TTLL5: variants seen among roughly 807,000 people sequenced by gnomAD.
The protein encoded by TTLL5 is tubulin tyrosine ligase like 5, also known as tubulin polyglutamylase TTLL5.
Under a neutral mutation model 168.4 loss-of-function variants are expected in TTLL5, and 132 were observed. The ratio of observed to expected loss-of-function variants is 0.78; its 90% CI spans 0.68 to 0.91. The LOEUF (loss-of-function observed/expected upper bound fraction) is 0.91. TTLL5 is among the 40% of genes least tolerant of loss of function. The pLI, the probability that TTLL5 is intolerant of heterozygous loss-of-function variation, is 0.00. For synonymous variants in TTLL5, 546 were observed against 558.6 expected (o/e 0.98, Z 0.32); for missense variants, 1,545 against 1,581.5 (o/e 0.98, Z 0.39).
chr14:75,661,254 G>T lies in TTLL5; in HGVS notation c.-229G>T, dbSNP rs374799807. ...GCGCAGTGGCTCCGAGCGGGCGGTTGCTTGTTGGTTGTTGTAGTAACCGGG... is the reference window on the plus strand; with the variant it reads ...GCGCAGTGGCTCCGAGCGGGCGGTTTCTTGTTGGTTGTTGTAGTAACCGGG... On this transcript the variant is annotated 5_prime_UTR_variant, in exon 1 of 32. Coordinates refer to ENST00000298832, the MANE Select transcript of TTLL5 (RefSeq NM_015072.5). 44 of 152,366 alleles carry T rather than the reference G, an allele frequency of 2.9e-4. No homozygotes were observed. Among genetic ancestry groups the T allele is most frequent in the African/African-American group, 1.0e-3 (42 of 41,594 alleles). The allele number at this position is 152,366 out of a possible 1,614,324, so 9.4% of individuals were successfully genotyped here. A position where few individuals can be genotyped will look rare whatever the true frequency, so the allele number is the denominator to read the frequency against.
intron 13 of TTLL5, 143 bp from the exon 14 acceptor site, chr14:75,733,846 A>G (rs1042433794): frequency 1.0e-5 from 7 of 678,062 alleles, no homozygotes; most frequent in African/African-American, 1.8e-5. Flanking sequence ...TTTTTCCCCC[A>G]CCGCCCCCGT....
rs771482604 is a variant in TTLL5, at chr14:75,745,536, G to T, written c.1442G>T (p.Gly481Val). The T allele has an allele frequency of 6.2e-7, 1 of 1,613,692 alleles. No homozygotes were observed. The highest frequency in any genetic ancestry group is 1.3e-5 in the African/African-American group (1 of 74,840). ...RVKEENDRRG[G>V]FIRIFPTSET... ...AAGGAGGAGAATGATCGGCGAGGTG[G>T]ATTTATTCGCATATTTCCTACATCT... The change falls in exon 17 of 32, where the codon GGA becomes GTA. Residue 481 changes from glycine to valine, a missense_variant. Coordinates refer to ENST00000298832, the MANE Select transcript of TTLL5 (RefSeq NM_015072.5).
Position 75,935,049 on chromosome 14 carries a change from A to G in TTLL5, c.3824-19375A>G, listed in dbSNP as rs976459930. Among the ~76,000 whole-genome samples, 12 of 152,358 alleles carry G rather than the reference A, an allele frequency of 7.9e-5. No individual in the cohort carries two copies. In the South Asian group the frequency reaches 8.3e-4, roughly 11 times the overall value. ...GAAGGATTGGGGACTGTTGAACCCAAGCTTTAGTTCAAAGGATCCAGAGGA... is the reference window on the plus strand; with the variant it reads ...GAAGGATTGGGGACTGTTGAACCCAGGCTTTAGTTCAAAGGATCCAGAGGA... On this transcript the variant is annotated intron_variant, in intron 31 of 31. Coordinates refer to ENST00000298832, the MANE Select transcript of TTLL5 (RefSeq NM_015072.5).
rs1887726658 is a variant in TTLL5, at chr14:75,719,777, C to A, written c.885C>A (p.Ser295Arg). 1 of 1,613,654 alleles carries A rather than the reference C, an allele frequency of 6.2e-7. No individual in the cohort carries two copies. The highest frequency in any genetic ancestry group is 2.2e-5 in the East Asian group (1 of 44,828). ...TGGAGGATTATGGAAACAAATGGAGCATGAGTGCTATGCTTAGGTACCTGA... is the reference window on the plus strand; with the variant it reads ...TGGAGGATTATGGAAACAAATGGAGAATGAGTGCTATGCTTAGGTACCTGA... ...PEVEDYGNKWSMSAMLRYLKQ... is the reference protein window; with the variant it reads ...PEVEDYGNKWRMSAMLRYLKQ... The change falls in exon 11 of 32, where the codon AGC becomes AGA. Residue 295 changes from serine (S) to arginine (R), a missense_variant. Physicochemically the swap from Ser to Arg is moderately radical, Grantham distance 110 (BLOSUM62 -1). Transcript: ENST00000298832.
chr14:75,910,652 G>C (rs1292533340), intron 31 of TTLL5, among the ~76,000 whole-genome samples: 1 of 152,304 alleles, frequency 6.6e-6, no homozygotes, highest in Admixed American at 6.5e-5. Flanking sequence ...CTTTCCACAC[G>C]GAAATATTTA....
intron 28 of TTLL5, among the ~76,000 whole-genome samples, chr14:75,823,901 A>G (rs1046662371): frequency 6.6e-6 from 1 of 152,186 alleles, no homozygotes; most frequent in East Asian, 1.9e-4. Context: ...ACAATAGATT[A>G]TAAATAGCTT....
At chr14:75,781,095 G>T (rs1244827524) in intron 24 of TTLL5, among the ~76,000 whole-genome samples, 1 of 152,140 alleles carries the variant, frequency 6.6e-6, no homozygotes, top group Non-Finnish European at 1.5e-5. Flanking sequence ...ATAGAGAAAA[G>T]CGTGCTAATT....
At position 75,690,626 on chromosome 14, in the gene TTLL5, A is replaced by ATTTT. The variant is rs55821177; in HGVS notation, c.502+314_502+317dup. On this transcript the variant is annotated intron_variant, in intron 6 of 31. Transcript: ENST00000298832. ...ATGACTTAGTGCCTATGTAAGTATT[A>ATTTT]TTTTTTTTTTTTTAAGAGACAGAGC... Among the ~76,000 whole-genome samples the ATTTT allele has an allele frequency of 2.0e-5, 3 of 147,014 alleles. No homozygotes were observed. In the East Asian group the frequency reaches 6.0e-4, roughly 29 times the overall value.
intron 28 of TTLL5, among the ~76,000 whole-genome samples, chr14:75,853,941 G>A (rs1036302924): frequency 6.6e-6 from 1 of 152,096 alleles, no homozygotes; most frequent in Non-Finnish European, 1.5e-5. Context: ...CTGCTCAAGA[G>A]GCTGAGGCAT....
intron 18 of TTLL5, among the ~76,000 whole-genome samples, chr14:75,757,307 A>C (rs1020088578): frequency 1.2e-4 from 18 of 152,146 alleles, no homozygotes; most frequent in African/African-American, 4.3e-4. Flanking sequence ...TTAATTGTGG[A>C]AAATATATTT....
chr14:75,748,954 G>C (rs1276871271), intron 17 of TTLL5, among the ~76,000 whole-genome samples: 1 of 152,104 alleles, frequency 6.6e-6, no homozygotes, highest in Non-Finnish European at 1.5e-5. Flanking sequence ...AAGTATAGAG[G>C]TAGAACTTAG....
At chr14:75,823,821 C>T (rs985826498) in intron 28 of TTLL5, among the ~76,000 whole-genome samples, 11 of 152,260 alleles carry the variant, frequency 7.2e-5, no homozygotes, top group East Asian at 1.9e-4. Flanking sequence ...GAAATGCCAC[C>T]GAGGAGTGGG....
intron 19 of TTLL5, among the ~76,000 whole-genome samples, chr14:75,765,195 G>A (rs1890889425): frequency 6.6e-6 from 1 of 152,098 alleles, no homozygotes; most frequent in Non-Finnish European, 1.5e-5. Context: ...CAATGTTGTA[G>A]GTCTGTTTAT....
intron 31 of TTLL5, among the ~76,000 whole-genome samples, chr14:75,917,110 G>A (rs936207900): frequency 6.6e-6 from 1 of 152,170 alleles, no homozygotes; most frequent in African/African-American, 2.4e-5. Flanking sequence ...GCTGAATGAT[G>A]GGATGGTCGT....
chr14:75,896,554 A>G (rs1177864038), intron 30 of TTLL5, among the ~76,000 whole-genome samples: 11 of 152,314 alleles, frequency 7.2e-5, no homozygotes, highest in Admixed American at 5.9e-4. Context: ...TGGTGGCATG[A>G]GTCCAAGATA....
chr14:75,812,531 A>G (rs1276379217), intron 27 of TTLL5, among the ~76,000 whole-genome samples: 1 of 152,340 alleles, frequency 6.6e-6, no homozygotes, highest in South Asian at 2.1e-4. Flanking sequence ...CATTCTTGGC[A>G]TATTTAATGA....
At chr14:75,876,091 T>C (rs939099063) in intron 29 of TTLL5, among the ~76,000 whole-genome samples, 1 of 152,190 alleles carries the variant, frequency 6.6e-6, no homozygotes, top group Admixed American at 6.5e-5. Context: ...CAGTGTCTGA[T>C]TGGTTTTGTG....
chr14:75,775,540 G>A lies in TTLL5; in HGVS notation c.2193G>A (p.Arg731=). The part of the protein sequence containing the change: ...RASNNLQHSL[R]MVLPSRRLAL... Reference sequence around the variant, plus strand: ...CAAATAACCTCCAGCATTCACTGAGGATGGTATTACCCAGTCGACGATTGG... The same window carrying A: ...CAAATAACCTCCAGCATTCACTGAGAATGGTATTACCCAGTCGACGATTGG... The change falls in exon 22 of 32, where the codon AGG becomes AGA. Residue 731 remains arginine (R), a synonymous_variant. Coordinates refer to ENST00000298832, the MANE Select transcript of TTLL5 (RefSeq NM_015072.5). 6.2e-7 allele frequency: 1 copy of A among 1,614,006 alleles called. No homozygotes were observed.
intron 28 of TTLL5, among the ~76,000 whole-genome samples, chr14:75,835,988 C>T (rs936640511): frequency 2.0e-5 from 3 of 152,118 alleles, no homozygotes; most frequent in African/African-American, 7.2e-5. Flanking sequence ...TTGGAGATTC[C>T]TCAAAAAACT....
Sources: gnomAD v4.1 joint callset for allele counts (sites outside exome capture counted in the v4.1 genomes callset) on GRCh38, gnomAD v4.1.1 for gene constraint, MANE v1.5 for transcripts, NCBI Gene and HGNC (gene_info 2026-07-23, HGNC 2026-07-21) for gene names.